The following STAG1 variants were observed in gnomAD, a reference collection of about 807,000 sequenced individuals.
The protein encoded by STAG1 is STAG1 cohesin complex component.
In STAG1, 26 loss-of-function variants were observed where a neutral mutation model predicts 170.9. The observed-to-expected ratio is 0.15, with a 90% CI of 0.11 to 0.21. STAG1 has a LOEUF of 0.21. STAG1 is among the 10% of genes least tolerant of loss of function. The pLI is 1.00. For synonymous variants in STAG1, 514 were observed against 497.7 expected (o/e 1.03, Z -0.44); for missense variants, 964 against 1,509.5 (o/e 0.64, Z 5.99).
chr3:136,498,233 T>TATATATATACACACACACACAC, intron 9 of STAG1, among the ~76,000 whole-genome samples: 2 of 57,490 alleles, frequency 3.5e-5, no homozygotes, highest in African/African-American at 2.1e-4. Flanking sequence ...TATATATATA[T>TATATATATACACACACACACAC]ACACATACAT....
At chr3:136,341,849 T>A (rs1935984582) in intron 30 of STAG1, among the ~76,000 whole-genome samples, 1 of 152,210 alleles carries the variant, frequency 6.6e-6, no homozygotes, top group Admixed American at 6.5e-5. Flanking sequence ...TGTACCTAGC[T>A]GGACAGCAGA....
intron 1 of STAG1, among the ~76,000 whole-genome samples, chr3:136,639,403 C>T (rs1225588298): frequency 6.6e-6 from 1 of 152,056 alleles, no homozygotes; most frequent in Non-Finnish European, 1.5e-5. Flanking sequence ...ATTCAAATAA[C>T]CACTATCACT....
intron 1 of STAG1, among the ~76,000 whole-genome samples, chr3:136,699,143 A>G (rs994723434): frequency 3.9e-5 from 6 of 152,214 alleles, no homozygotes; most frequent in African/African-American, 1.2e-4. Flanking sequence ...TGACAGGTAC[A>G]GTAAAATCTC....
intron 6 of STAG1, among the ~76,000 whole-genome samples, chr3:136,523,174 C>G (rs1274704760): frequency 6.6e-6 from 1 of 152,170 alleles, no homozygotes; most frequent in African/African-American, 2.4e-5. Context: ...AACTAGTTTA[C>G]AGTCCCAACA....
intron 1 of STAG1, among the ~76,000 whole-genome samples, chr3:136,711,313 T>C (rs1162205963): frequency 6.6e-6 from 1 of 152,020 alleles, no homozygotes; most frequent in Non-Finnish European, 1.5e-5. Context: ...AAAATGTACA[T>C]GGAAATGCAA....
At chr3:136,541,538 T>TCACACACACACACACACTCTCACA (rs34969907) in intron 6 of STAG1, among the ~76,000 whole-genome samples, 1 of 123,122 alleles carries the variant, frequency 8.1e-6, no homozygotes, top group Non-Finnish European at 1.7e-5. Flanking sequence ...AGCTTAACAT[T>TCACACACACACACACACTCTCACA]CACACACACA....
At chr3:136,518,011 G>C (rs955251841) in intron 7 of STAG1, 2 of 168,902 alleles carry the variant, frequency 1.2e-5, no homozygotes, top group African/African-American at 4.7e-5. Flanking sequence ...ATATACTTAT[G>C]AGTGTGGAAT....
At chr3:136,543,238 TTA>T (rs1935991177) in intron 5 of STAG1, among the ~76,000 whole-genome samples, 1 of 152,044 alleles carries the variant, frequency 6.6e-6, no homozygotes. Flanking sequence ...CATGAATATA[TTA>T]CCCAAACAAA....
intron 1 of STAG1, among the ~76,000 whole-genome samples, chr3:136,688,373 C>A (rs1405165242): frequency 1.3e-5 from 2 of 152,052 alleles, no homozygotes; most frequent in East Asian, 3.9e-4. Context: ...AAGCAAAGAT[C>A]GTTCTACCAA....
chr3:136,651,416 A>T (rs1941213650), intron 1 of STAG1, among the ~76,000 whole-genome samples: 1 of 151,610 alleles, frequency 6.6e-6, no homozygotes, highest in Non-Finnish European at 1.5e-5. Context: ...AGTAGATTAG[A>T]TTCAACAGAA....
Position 136,554,407 on chromosome 3 carries a change from G to A in STAG1, c.395-12212C>T, listed in dbSNP as rs1576601213. Among the ~76,000 whole-genome samples the A allele has an allele frequency of 2.0e-5, 3 of 152,034 alleles. No homozygotes were observed. The South Asian group carries it at 6.2e-4, about 32-fold the overall frequency. ...TTAACAAAATTATTGAGCTAACAAT[G>A]GACATACTACACCTAAAAAATGCAT... On this transcript the variant is annotated intron_variant, in intron 5 of 33. Transcript: ENST00000383202.
intron 1 of STAG1, among the ~76,000 whole-genome samples, chr3:136,747,563 C>G (rs988423189): frequency 6.6e-6 from 1 of 152,014 alleles, no homozygotes; most frequent in East Asian, 1.9e-4. Context: ...GTGGCATGCA[C>G]CTGTAGTCCC....
At chr3:136,462,775 T>C (rs759002789) in intron 13 of STAG1, among the ~76,000 whole-genome samples, 32 of 152,296 alleles carry the variant, frequency 2.1e-4, no homozygotes, top group Non-Finnish European at 4.4e-4. Flanking sequence ...ATATCACATG[T>C]ACCCTATAAA....
chr3:136,498,233 T>TACATATATATATATATATATATAC lies in STAG1; in HGVS notation c.902+1989_902+1990insGTATATATATATATATATATATGT. On this transcript the variant is annotated intron_variant, in intron 9 of 33. Coordinates refer to ENST00000383202, the MANE Select transcript of STAG1 (RefSeq NM_005862.3). ...AATTATATATATATATATATATATA[T>TACATATATATATATATATATATAC]ACACATACATATACATACACACACA... 3.5e-5 allele frequency among the ~76,000 whole-genome samples: 2 copies of TACATATATATATATATATATATAC among 57,492 alleles called. 1 individual carries two copies. The highest frequency in any genetic ancestry group is 4.3e-3 in the East Asian group (2 of 460). 37.7% of individuals were successfully genotyped at this position (57,492 alleles called of 152,430 possible). A position where few individuals can be genotyped will look rare whatever the true frequency, so the allele number is the denominator to read the frequency against.
At chr3:136,428,680 A>G (rs996891523) in intron 16 of STAG1, among the ~76,000 whole-genome samples, 2 of 152,200 alleles carry the variant, frequency 1.3e-5, no homozygotes, top group Admixed American at 1.3e-4. Flanking sequence ...AAGCCCCCCA[A>G]AATAAATACC....
At position 136,695,471 on chromosome 3, in the gene STAG1, T is replaced by C. The variant is rs76736028; in HGVS notation, c.-84+56724A>G. On this transcript the variant is annotated intron_variant, in intron 1 of 33. Coordinates refer to ENST00000383202, the MANE Select transcript of STAG1 (RefSeq NM_005862.3). Reference sequence around the variant, plus strand: ...AAAAAGAGAGAGACAGACCGTAATGTTTAAGCACATAACCAGCTGGAGTCC... The same window carrying C: ...AAAAAGAGAGAGACAGACCGTAATGCTTAAGCACATAACCAGCTGGAGTCC... 6.8e-3 allele frequency among the ~76,000 whole-genome samples: 1,029 copies of C among 151,486 alleles called. 14 individuals are homozygous for C. The highest frequency in any genetic ancestry group is 0.024 in the African/African-American group (979 of 41,318).
intron 1 of STAG1, among the ~76,000 whole-genome samples, chr3:136,670,382 G>C (rs1177621853): frequency 6.6e-6 from 1 of 152,146 alleles, no homozygotes; most frequent in Non-Finnish European, 1.5e-5. Context: ...TTTCCAACAA[G>C]ACCCTAATTT....
intron 6 of STAG1, 66 bp from the exon 7 acceptor site, chr3:136,521,483 T>A: frequency 7.0e-7 from 1 of 1,427,210 alleles, no homozygotes; most frequent in Non-Finnish European, 9.7e-7. Context: ...GCTTTTTTTT[T>A]CTTCCTACCT....
At chr3:136,426,847 T>C (rs1200611287) in intron 16 of STAG1, among the ~76,000 whole-genome samples, 1 of 151,938 alleles carries the variant, frequency 6.6e-6, no homozygotes, top group Non-Finnish European at 1.5e-5. Context: ...GGTGGGTGGA[T>C]CATGAGGTCA....
Sources: allele counts gnomAD v4.1 joint callset (sites outside exome capture counted in the v4.1 genomes callset), GRCh38; gene constraint gnomAD v4.1.1; transcripts MANE v1.5; gene names NCBI Gene and HGNC (gene_info 2026-07-23, HGNC 2026-07-21).